RAB31: variants seen among roughly 807,000 people sequenced by gnomAD.
RAB31 encodes the protein RAB31, member RAS oncogene family, also known as ras-related protein Rab-31.
RAB31 carries 21 observed loss-of-function variants against 25.6 expected under a neutral mutation model. The observed-to-expected ratio is 0.82, with a 90% CI of 0.58 to 1.18. The LOEUF (loss-of-function observed/expected upper bound fraction) is 1.18. RAB31 is among the 50% of genes most tolerant of loss of function. The pLI is 0.00. For missense variants in RAB31, 196 were observed against 250.1 expected, an observed-to-expected ratio of 0.78 and a Z score of 1.46; for synonymous variants, 87 against 84.0, an observed-to-expected ratio of 1.04 and a Z score of -0.20.
At chr18:9,804,317 A>G (rs1018675452) in intron 3 of RAB31, among the ~76,000 whole-genome samples, 11 of 152,182 alleles carry the variant, frequency 7.2e-5, no homozygotes, top group Non-Finnish European at 1.5e-5. Context: ...CAGGTCAGGC[A>G]ATGACATTTT....
chr18:9,747,683 T>C (rs1301757299), intron 1 of RAB31, among the ~76,000 whole-genome samples: 3 of 152,180 alleles, frequency 2.0e-5, no homozygotes, highest in Admixed American at 6.5e-5. Flanking sequence ...TAAGTAGATA[T>C]GTGATTGCCA....
intron 2 of RAB31, among the ~76,000 whole-genome samples, chr18:9,780,962 C>CAAAACAAA (rs1228599626): frequency 1.4e-5 from 2 of 143,752 alleles, no homozygotes; most frequent in Non-Finnish European, 3.0e-5. Context: ...CAGAACAAAA[C>CAAAACAAA]AAAACATAAA....
At position 9,741,530 on chromosome 18, in the gene RAB31, G is replaced by A. The variant is rs149993043; in HGVS notation, c.39+33086G>A. Among the ~76,000 whole-genome samples the A allele has an allele frequency of 4.4e-3, 672 of 152,264 alleles. 7 individuals carry two copies. The highest frequency in any genetic ancestry group is 0.015 in the African/African-American group (641 of 41,548). On this transcript the variant is annotated intron_variant, in intron 1 of 6. Transcript: ENST00000578921. ...GAGTTGCAGAGTCAGAGCTGATGGAGCTTTCCTGCCAGCCACGCACCATCT... is the reference window on the plus strand; with the variant it reads ...GAGTTGCAGAGTCAGAGCTGATGGAACTTTCCTGCCAGCCACGCACCATCT...
chr18:9,804,367 C>CTAA (rs2068529192), intron 3 of RAB31, among the ~76,000 whole-genome samples: 1 of 152,164 alleles, frequency 6.6e-6, no homozygotes, highest in South Asian at 2.1e-4. Context: ...TGAGTAGCTT[C>CTAA]TAATTATGAG....
At position 9,724,045 on chromosome 18, in the gene RAB31, G is replaced by A. The variant is rs1010230375; in HGVS notation, c.39+15601G>A. The stretch of plus-strand genomic sequence containing the variant: ...TATTCACTTTGGGAGGCCGAGGCGG[G>A]CAGATCACAAGGTCAGGAGATCGAG... On this transcript the variant is annotated intron_variant, in intron 1 of 6. Transcript: ENST00000578921. Among the ~76,000 whole-genome samples, 9 of 151,990 alleles carry A rather than the reference G, an allele frequency of 5.9e-5. No individual in the cohort carries two copies. In the East Asian group the frequency reaches 1.7e-3, roughly 29 times the overall value.
At position 9,766,260 on chromosome 18, in the gene RAB31, C is replaced by G. The variant is rs536773632; in HGVS notation, c.40-9018C>G. On this transcript the variant is annotated intron_variant, in intron 1 of 6. Coordinates refer to ENST00000578921, the MANE Select transcript of RAB31 (RefSeq NM_006868.4). This position sits in a 1 kb window ranked among gnomAD's most constrained non-coding sequence, Gnocchi z 4.3. The stretch of plus-strand genomic sequence containing the variant: ...TTTCCAGACAGGGCTGAGGCACCCT[C>G]CTGCTCCAAGATGTGGAGGCGCCTT... Among the ~76,000 whole-genome samples, 1 of 152,326 alleles carries G rather than the reference C, an allele frequency of 6.6e-6. No individual in the cohort carries two copies. Among genetic ancestry groups the G allele is most frequent in the East Asian group, 1.9e-4 (1 of 5,166 alleles).
chr18:9,784,804 C>T (rs2068423689), intron 2 of RAB31, among the ~76,000 whole-genome samples: 1 of 151,724 alleles, frequency 6.6e-6, no homozygotes, highest in African/African-American at 2.4e-5. Flanking sequence ...CCTCCCCCAT[C>T]AACCTCCCAA....
At chr18:9,820,366 G>A (rs952433683) in intron 5 of RAB31, among the ~76,000 whole-genome samples, 3 of 152,064 alleles carry the variant, frequency 2.0e-5, no homozygotes, top group South Asian at 4.1e-4. Context: ...TGGTCATGAT[G>A]CATAATCCTT....
chr18:9,757,958 C>T (rs544113827), intron 1 of RAB31: 2 of 152,320 alleles, frequency 1.3e-5, no homozygotes, highest in African/African-American at 4.8e-5. Flanking sequence ...AAATCTTGTC[C>T]TTAGGTCAAA....
intron 3 of RAB31, among the ~76,000 whole-genome samples, chr18:9,793,965 C>T (rs536346964): frequency 6.6e-5 from 10 of 152,234 alleles, no homozygotes; most frequent in African/African-American, 2.4e-4. Flanking sequence ...GGGTCTTGCT[C>T]TGTCACCCAG....
At chr18:9,740,758 T>C (rs1360518777) in intron 1 of RAB31, among the ~76,000 whole-genome samples, 1 of 152,056 alleles carries the variant, frequency 6.6e-6, no homozygotes. Flanking sequence ...CAGAAGCAGA[T>C]CATACTGTGC....
chr18:9,763,191 G>A (rs760975972), intron 1 of RAB31, among the ~76,000 whole-genome samples: 6 of 151,936 alleles, frequency 3.9e-5, no homozygotes, highest in Non-Finnish European at 5.9e-5. Flanking sequence ...TGTCCTGGCC[G>A]TAACATGTGT....
chr18:9,761,528 TTAG>T (rs1436662920), intron 1 of RAB31, among the ~76,000 whole-genome samples: 4 of 152,188 alleles, frequency 2.6e-5, no homozygotes, highest in Admixed American at 6.5e-5. Flanking sequence ...TGGGCATGGC[TTAG>T]TAGGTCCTCG....
chr18:9,731,125 T>C (rs2068120883), intron 1 of RAB31, among the ~76,000 whole-genome samples: 1 of 152,210 alleles, frequency 6.6e-6, no homozygotes, highest in Non-Finnish European at 1.5e-5. Context: ...TTTTTTGTTT[T>C]TGAGATGGGG....
intron 1 of RAB31, among the ~76,000 whole-genome samples, chr18:9,761,473 A>T (rs1285516413): frequency 6.6e-6 from 1 of 152,228 alleles, no homozygotes; most frequent in Non-Finnish European, 1.5e-5. Context: ...TAACAGCTTA[A>T]AACAACATGC....
At chr18:9,812,993 G>A (rs371595621) in intron 3 of RAB31, among the ~76,000 whole-genome samples, 61 of 149,126 alleles carry the variant, frequency 4.1e-4, no homozygotes, top group South Asian at 1.3e-3. Context: ...CACTGCACTC[G>A]GCCCCTCCAG....
chr18:9,826,273 G>A (rs2068649277), intron 5 of RAB31, among the ~76,000 whole-genome samples: 1 of 152,082 alleles, frequency 6.6e-6, no homozygotes, highest in African/African-American at 2.4e-5. Context: ...CTACTTGGGA[G>A]GCTGACACAT....
At chr18:9,740,785 C>T (rs528710820) in intron 1 of RAB31, among the ~76,000 whole-genome samples, 1 of 152,108 alleles carries the variant, frequency 6.6e-6, no homozygotes, top group Non-Finnish European at 1.5e-5. Flanking sequence ...ATCTTCTGTC[C>T]ACATCATACC....
chr18:9,737,886 A>C (rs2068158380), intron 1 of RAB31, among the ~76,000 whole-genome samples: 1 of 152,142 alleles, frequency 6.6e-6, no homozygotes. Flanking sequence ...CTGCTTTTAA[A>C]AGCTCTTGTT....
Sources: gnomAD v4.1 joint callset for allele counts (sites outside exome capture counted in the v4.1 genomes callset) on GRCh38, gnomAD v4.1.1 for gene constraint, Gnocchi (gnomAD v3.1) non-coding constraint, MANE v1.5 for transcripts, NCBI Gene and HGNC (gene_info 2026-07-23, HGNC 2026-07-21) for gene names.